EEPD1: variants seen among roughly 807,000 people sequenced by gnomAD.
The protein encoded by EEPD1 is endonuclease/exonuclease/phosphatase family domain containing 1, also known as endonuclease/exonuclease/phosphatase family domain-containing protein 1.
A neutral mutation model predicts 46.3 loss-of-function variants in EEPD1; 17 were observed. That is an observed-to-expected ratio of 0.37 (90% CI 0.25 to 0.55). EEPD1 has a LOEUF of 0.55. Among genes scored for constraint, EEPD1 ranks in the 20% least tolerant of loss-of-function variants. EEPD1 has a pLI of 0.83. For missense variants in EEPD1, 673 were observed against 745.6 expected, an observed-to-expected ratio of 0.90 and a Z score of 1.13; for synonymous variants, 313 against 315.6, an observed-to-expected ratio of 0.99 and a Z score of 0.09.
chr7:36,294,107 TC>T (rs1353160375), intron 6 of EEPD1, among the ~76,000 whole-genome samples: 44 of 152,296 alleles, frequency 2.9e-4, no homozygotes, highest in Middle Eastern at 3.4e-3. Context: ...CGTCTGCTCC[TC>T]TGTGTAGAGT....
chr7:36,186,067 G>T (rs890056546), intron 2 of EEPD1, among the ~76,000 whole-genome samples: 2 of 152,022 alleles, frequency 1.3e-5, no homozygotes, highest in Non-Finnish European at 2.9e-5. Flanking sequence ...TATTTCTTTT[G>T]CAGGTTTGGC....
intron 3 of EEPD1, among the ~76,000 whole-genome samples, chr7:36,246,891 C>T (rs1456461595): frequency 8.5e-5 from 13 of 152,192 alleles, no homozygotes; most frequent in Middle Eastern, 3.4e-3. Flanking sequence ...TTTGGGAGGC[C>T]AAGGCGGGTG....
rs1025845150 is a variant in EEPD1 at position 36,193,240 on chromosome 7, G to T, written c.878+38038G>T. 6.6e-6 allele frequency among the ~76,000 whole-genome samples: 1 copy of T among 152,208 alleles called. No individual in the cohort carries two copies. Among genetic ancestry groups the T allele is most frequent in the African/African-American group, 2.4e-5 (1 of 41,458 alleles). On this transcript the variant is annotated intron_variant, in intron 2 of 7. Coordinates refer to ENST00000242108, the MANE Select transcript of EEPD1 (RefSeq NM_030636.3). The surrounding 1 kb of genome is among the most constrained non-coding windows in gnomAD (Gnocchi z 4.9). ...GGTCCCAGAAGAACTGATGAGGAAT[G>T]CCAAGGTGGAAGTGCCAACCAGCAG... is the stretch of plus-strand genomic sequence containing the variant.
intron 2 of EEPD1, among the ~76,000 whole-genome samples, chr7:36,158,036 A>G (rs1260787917): frequency 6.6e-6 from 1 of 152,318 alleles, no homozygotes; most frequent in East Asian, 1.9e-4. Context: ...ACTTTTGGGT[A>G]TGCCTTCGTG....
intron 2 of EEPD1, among the ~76,000 whole-genome samples, chr7:36,224,390 C>T (rs1786196675): frequency 6.6e-6 from 1 of 152,144 alleles, no homozygotes; most frequent in East Asian, 1.9e-4. Flanking sequence ...AGTCAGTCCA[C>T]TCATAATAGC....
chr7:36,269,745 T>A (rs113302814), intron 3 of EEPD1, among the ~76,000 whole-genome samples: 2 of 147,972 alleles, frequency 1.4e-5, no homozygotes, highest in East Asian at 3.9e-4. Flanking sequence ...TAATTTAAAA[T>A]TTTAAAAAAT....
At chr7:36,234,499 C>A (rs999963880) in intron 2 of EEPD1, among the ~76,000 whole-genome samples, 1 of 151,804 alleles carries the variant, frequency 6.6e-6, no homozygotes, top group African/African-American at 2.4e-5. Flanking sequence ...TGATGAAATC[C>A]CATCTCTACT....
At chr7:36,210,759 C>T (rs1785914118) in intron 2 of EEPD1, among the ~76,000 whole-genome samples, 1 of 152,210 alleles carries the variant, frequency 6.6e-6, no homozygotes, top group South Asian at 2.1e-4. Flanking sequence ...TCTCATGACT[C>T]ACTTGTTCTT....
chr7:36,278,452 C>G (rs1413952321), intron 3 of EEPD1, among the ~76,000 whole-genome samples: 2 of 148,648 alleles, frequency 1.3e-5, no homozygotes, highest in East Asian at 2.1e-4. Context: ...CTTCTCCACC[C>G]CCAGGGCTGG....
At chr7:36,237,758 C>G (rs1018508460) in intron 2 of EEPD1, among the ~76,000 whole-genome samples, 1 of 152,110 alleles carries the variant, frequency 6.6e-6, no homozygotes, top group African/African-American at 2.4e-5. Flanking sequence ...CAAGACCCGC[C>G]TGGCCAACAT....
At chr7:36,261,304 G>T (rs1786918468) in intron 3 of EEPD1, among the ~76,000 whole-genome samples, 1 of 152,210 alleles carries the variant, frequency 6.6e-6, no homozygotes, top group African/African-American at 2.4e-5. Flanking sequence ...CCTGCTCTGG[G>T]ATTTTTCCAG....
At chr7:36,187,219 TTTTA>T (rs750795995) in intron 2 of EEPD1, among the ~76,000 whole-genome samples, 1 of 152,272 alleles carries the variant, frequency 6.6e-6, no homozygotes, top group Non-Finnish European at 1.5e-5. Context: ...ACTTTCCTTT[TTTTA>T]TTTAAAATAT....
rs567307694 is a variant in EEPD1 at position 36,291,031 on chromosome 7, G to A, written c.1315+3254G>A. 3.9e-5 allele frequency among the ~76,000 whole-genome samples: 6 copies of A among 152,298 alleles called. No homozygotes were observed. The South Asian group carries it at 8.3e-4, about 21-fold the overall frequency. On this transcript the variant is annotated intron_variant, in intron 6 of 7. Transcript: ENST00000242108. ...GATGTGCTCATTCAAAAAGGGAACC[G>A]TTGTCACTCCTGAAGCTACACAGAG...
chr7:36,297,839 A>G (rs551793968), intron 7 of EEPD1, among the ~76,000 whole-genome samples: 1 of 152,318 alleles, frequency 6.6e-6, no homozygotes, highest in South Asian at 2.1e-4. Context: ...AGTCAACAAT[A>G]TGGAAGAGAC....
chr7:36,211,051 A>G (rs1284899072), intron 2 of EEPD1, among the ~76,000 whole-genome samples: 4 of 152,206 alleles, frequency 2.6e-5, no homozygotes, highest in Non-Finnish European at 5.9e-5. Context: ...GTAATGTGAC[A>G]TGAAAAGAGC....
intron 2 of EEPD1, among the ~76,000 whole-genome samples, chr7:36,197,087 G>A (rs201417429): frequency 0.081 from 11,577 of 142,300 alleles, 670 homozygotes; most frequent in East Asian, 0.16. Flanking sequence ...GGTGAGGAGC[G>A]TCTCTGCCCG....
chr7:36,238,545 A>G (rs558419847), intron 2 of EEPD1, among the ~76,000 whole-genome samples: 3 of 152,288 alleles, frequency 2.0e-5, no homozygotes, highest in East Asian at 1.9e-4. Context: ...TCCAAGGTTC[A>G]TCTGTGGCGT....
At chr7:36,285,879 T>C (rs1171340324) in intron 5 of EEPD1, among the ~76,000 whole-genome samples, 6 of 152,170 alleles carry the variant, frequency 3.9e-5, no homozygotes, top group African/African-American at 1.4e-4. Flanking sequence ...GTGCTCACCC[T>C]GGGGGTATCT....
chr7:36,177,551 G>A (rs1030568682), intron 2 of EEPD1, among the ~76,000 whole-genome samples: 1 of 152,170 alleles, frequency 6.6e-6, no homozygotes, highest in Non-Finnish European at 1.5e-5. Context: ...ATTCACTTAG[G>A]ATAATGGCTT....
Sources: allele counts gnomAD v4.1 joint callset (sites outside exome capture counted in the v4.1 genomes callset), GRCh38; gene constraint gnomAD v4.1.1; non-coding constraint Gnocchi (gnomAD v3.1); transcripts MANE v1.5; gene names NCBI Gene and HGNC (gene_info 2026-07-23, HGNC 2026-07-21).